SLC45A3: variants seen among roughly 807,000 people sequenced by gnomAD.
The protein encoded by SLC45A3 is prostate cancer associated protein 2.
SLC45A3 carries 17 observed loss-of-function variants against 35.3 expected under a neutral mutation model. That is an observed-to-expected ratio of 0.48 (90% CI 0.33 to 0.72). SLC45A3 has a LOEUF of 0.72. Ranked by LOEUF, SLC45A3 falls within the 30% of genes least tolerant of loss-of-function variation. The pLI is 0.02. For missense variants in SLC45A3, 597 were observed against 731.7 expected (o/e 0.82, Z 2.12); for synonymous variants, 288 against 334.3 (o/e 0.86, Z 1.51).
In SLC45A3 at chr1:205,659,596, CT is replaced by C. The variant is rs1406723683; in HGVS notation, c.1299del (p.Gly434AlafsTer108). ...GGGAAGGGAGCTCCAGGCTTAGGGC[CT>C]GGCAGGAAGCTGGTCATCAGGCTGT... ...SEDSLMTSFL[P>X]GPKPGAPFPN... On this transcript the variant is annotated frameshift_variant, in exon 5 of 5. Transcript: ENST00000367145. LOFTEE classifies it high-confidence loss of function. This position sits in a 1 kb window ranked among gnomAD's most constrained non-coding sequence, Gnocchi z 5.8. The C allele has an allele frequency of 6.4e-7, 1 of 1,567,220 alleles. No homozygotes were observed. The highest frequency in any genetic ancestry group is 8.6e-7 in the Non-Finnish European group (1 of 1,158,422).
Position 205,659,407 on chromosome 1 carries a change from T to A in SLC45A3, c.1489A>T (p.Ser497Cys), listed in dbSNP as rs770605686. Reference protein sequence around the residue: ...GICLDLAILDSAFLLSQVAPS... With the variant: ...GICLDLAILDCAFLLSQVAPS... ...GCCACCTGGGACAGCAGGAAGGCAC[T>A]ATCCAGGATGGCGAGGTCCAGGCAG... The change falls in exon 5 of 5, where the codon AGT becomes TGT. Residue 497 changes from serine to cysteine, a missense_variant. By Grantham distance (112) the Ser-to-Cys change is moderately radical (BLOSUM62 -1). Transcript: ENST00000367145. The surrounding 1 kb of genome is among the most constrained non-coding windows in gnomAD (Gnocchi z 5.8). 1.9e-6 allele frequency: 3 copies of A among 1,614,058 alleles called. No homozygotes were observed. The highest frequency in any genetic ancestry group is 1.7e-6 in the Non-Finnish European group (2 of 1,180,020).
At position 205,672,077 on chromosome 1, in the gene SLC45A3, G is replaced by A. The variant is rs534315451; in HGVS notation, c.-230-7191C>T. Among the ~76,000 whole-genome samples the A allele has an allele frequency of 4.6e-5, 7 of 152,270 alleles. No individual in the cohort carries two copies. The East Asian group carries it at 1.3e-3, about 29-fold the overall frequency. ...CTTCATAGATGTGGAGTGTGTTTGA[G>A]ATACAGGATATGAAAGTTCCTGGCG... On this transcript the variant is annotated intron_variant, in intron 1 of 4. Transcript: ENST00000367145.
At chr1:205,668,599 C>T (rs566793978) in intron 1 of SLC45A3, among the ~76,000 whole-genome samples, 17 of 152,254 alleles carry the variant, frequency 1.1e-4, no homozygotes, top group Non-Finnish European at 1.8e-4. Flanking sequence ...CTAAAATCCT[C>T]CTGCCCTACT....
chr1:205,670,534 G>A (rs1312026883), intron 1 of SLC45A3, among the ~76,000 whole-genome samples: 1 of 152,182 alleles, frequency 6.6e-6, no homozygotes, highest in African/African-American at 2.4e-5. Flanking sequence ...AGTGGGACGG[G>A]GGACCCCAGC....
At chr1:205,677,517 C>T (rs1232634526) in intron 1 of SLC45A3, among the ~76,000 whole-genome samples, 2 of 152,206 alleles carry the variant, frequency 1.3e-5, no homozygotes, top group Non-Finnish European at 2.9e-5. Flanking sequence ...CTATTATCCT[C>T]ATTTTACAGA....
Position 205,661,971 on chromosome 1 carries a change from A to T in SLC45A3, c.1114T>A (p.Ser372Thr), listed in dbSNP as rs773755204. 5.6e-6 allele frequency: 9 copies of T among 1,614,100 alleles called. No homozygotes were observed. The African/African-American group carries it at 1.2e-4, about 22-fold the overall frequency. The change falls in exon 4 of 5, where the codon TCC becomes ACC. Residue 372 changes from serine to threonine, a missense_variant. Transcript: ENST00000367145. ...GCTGTCACCACGGCCACACTGTGGG[A>T]CAGGCATGTGGCACCGGCAGCCACA... ...FPVAAGATCL[S>T]HSVAVVTASA...
Position 205,662,497 on chromosome 1 carries a change from G to A in SLC45A3, c.958+336C>T. On this transcript the variant is annotated intron_variant, in intron 3 of 4. Transcript: ENST00000367145. The surrounding 1 kb of genome is among the most constrained non-coding windows in gnomAD (Gnocchi z 6.2). ...GAGATTATTTGGAAAGTCGTTGGGG[G>A]AGCAGAGGGCACACTGCGGCTGGAA... 7.8e-7 allele frequency: 1 copy of A among 1,287,378 alleles called. No homozygotes were observed. 79.7% of individuals were successfully genotyped at this position (1,287,378 alleles called of 1,614,324 possible).
At chr1:205,674,778 C>T (rs1443113742) in intron 1 of SLC45A3, among the ~76,000 whole-genome samples, 2 of 151,864 alleles carry the variant, frequency 1.3e-5, no homozygotes, top group South Asian at 2.1e-4. Flanking sequence ...GTGCAGTGCA[C>T]GATCTCAGCT....
Position 205,664,668 on chromosome 1 carries a change from C to T in SLC45A3, c.-12G>A, listed in dbSNP as rs201918312. The T allele has an allele frequency of 1.1e-4, 178 of 1,612,856 alleles. 2 individuals are homozygous for T. In the East Asian group the frequency reaches 3.5e-3, roughly 32 times the overall value. On this transcript the variant is annotated 5_prime_UTR_variant, in exon 2 of 5. Transcript: ENST00000367145. This position sits in a 1 kb window ranked among gnomAD's most constrained non-coding sequence, Gnocchi z 5.3. ...AGCCTCTGGACCATAGTGGGCCAGG[C>T]GGGTAGGGCTCAGGGGGCCGTTCAG...
intron 4 of SLC45A3, among the ~76,000 whole-genome samples, chr1:205,660,623 A>T (rs1671002778): frequency 6.6e-6 from 1 of 152,044 alleles, no homozygotes; most frequent in Non-Finnish European, 1.5e-5. Context: ...GGGGCCTCCC[A>T]GGACTTCTCC....
intron 1 of SLC45A3, among the ~76,000 whole-genome samples, chr1:205,679,866 G>A (rs879673072): frequency 1.3e-5 from 2 of 151,940 alleles, no homozygotes; most frequent in Admixed American, 1.3e-4. Context: ...CGCGGCCGTC[G>A]GCTCCCGTCC....
chr1:205,662,865 G>A lies in SLC45A3; in HGVS notation c.926C>T (p.Pro309Leu), dbSNP rs773057305. 51 of 1,604,982 alleles carry A rather than the reference G, an allele frequency of 3.2e-5. No homozygotes were observed. The highest frequency in any genetic ancestry group is 6.7e-5 in the Admixed American group (4 of 59,520). ...ATAGTGTCTCCGGGCCTCGGTGCCC[G>A]GCTCAGCTCTGGGCACGCCCTGGTA... ...GLYQGVPRAE[P>L]GTEARRHYDE... Residue 309 changes from proline (P) to leucine (L), a missense_variant, in exon 3 of 5, where the codon CCG becomes CTG. Pro to Leu is a moderately conservative substitution (Grantham distance 98). Coordinates refer to ENST00000367145, the MANE Select transcript of SLC45A3 (RefSeq NM_033102.3). The surrounding 1 kb of genome is among the most constrained non-coding windows in gnomAD (Gnocchi z 6.2).
intron 1 of SLC45A3, among the ~76,000 whole-genome samples, chr1:205,679,685 AACACACAC>A (rs55762304): frequency 4.8e-4 from 66 of 138,846 alleles, no homozygotes; most frequent in Middle Eastern, 7.4e-3. Flanking sequence ...GGGACACAGT[AACACACAC>A]ACACACACAC....
At chr1:205,679,461 C>A (rs547990309) in intron 1 of SLC45A3, among the ~76,000 whole-genome samples, 1 of 152,128 alleles carries the variant, frequency 6.6e-6, no homozygotes, top group East Asian at 1.9e-4. Context: ...AGGCCTGACC[C>A]GCACTAGGGA....
At chr1:205,674,784 C>G (rs1026198262) in intron 1 of SLC45A3, among the ~76,000 whole-genome samples, 16 of 151,966 alleles carry the variant, frequency 1.1e-4, no homozygotes, top group African/African-American at 3.9e-4. Flanking sequence ...TGCACGATCT[C>G]AGCTCACTGC....
At chr1:205,673,443 G>A (rs1229687816) in intron 1 of SLC45A3, among the ~76,000 whole-genome samples, 1 of 152,192 alleles carries the variant, frequency 6.6e-6, no homozygotes, top group Non-Finnish European at 1.5e-5. Context: ...CTTGAACTCT[G>A]CCAGTCAGCC....
Position 205,666,062 on chromosome 1 carries a change from C to T in SLC45A3, c.-230-1176G>A, listed in dbSNP as rs188507817. ...CCAGGCATGGTGGCAGGTGCCTCCA[C>T]CACCCCCAGCCCCTACTCATGCCCT... On this transcript the variant is annotated intron_variant, in intron 1 of 4. Coordinates refer to ENST00000367145, the MANE Select transcript of SLC45A3 (RefSeq NM_033102.3). This position sits in a 1 kb window ranked among gnomAD's most constrained non-coding sequence, Gnocchi z 4.1. Among the ~76,000 whole-genome samples the T allele has an allele frequency of 1.3e-5, 2 of 152,230 alleles. No individual in the cohort carries two copies. The highest frequency in any genetic ancestry group is 1.9e-4 in the East Asian group (1 of 5,172).
At chr1:205,679,963 C>T (rs1206222006) in intron 1 of SLC45A3, among the ~76,000 whole-genome samples, 3 of 151,806 alleles carry the variant, frequency 2.0e-5, no homozygotes, top group African/African-American at 7.2e-5. Flanking sequence ...AGAAAATAAA[C>T]GCAACTTTCC....
At position 205,658,244 on chromosome 1, in the gene SLC45A3, G is replaced by T. The variant is rs1206904247; in HGVS notation, c.*990C>A. 2.6e-5 allele frequency: 6 copies of T among 232,622 alleles called. No individual in the cohort carries two copies. The highest frequency in any genetic ancestry group is 4.2e-5 in the Non-Finnish European group (5 of 117,704). 14.4% of individuals were successfully genotyped at this position (232,622 alleles called of 1,614,324 possible). ...AGAGAGAGTAGAGGGGAGTGGAAGTGGGGGGAACCAGGCTGGGCCAAGAGA... is the reference window on the plus strand; with the variant it reads ...AGAGAGAGTAGAGGGGAGTGGAAGTTGGGGGAACCAGGCTGGGCCAAGAGA... On this transcript the variant is annotated 3_prime_UTR_variant, in exon 5 of 5. Transcript: ENST00000367145.
Sources: gnomAD v4.1 joint callset for allele counts (sites outside exome capture counted in the v4.1 genomes callset) on GRCh38, gnomAD v4.1.1 for gene constraint, Gnocchi (gnomAD v3.1) non-coding constraint, MANE v1.5 for transcripts, NCBI Gene and HGNC (gene_info 2026-07-23, HGNC 2026-07-21) for gene names.